KCNH7: variants seen among roughly 807,000 people sequenced by gnomAD.
KCNH7 encodes the protein voltage-gated inwardly rectifying potassium channel KCNH7.
A neutral mutation model predicts 120.8 loss-of-function variants in KCNH7; 49 were observed. That is an observed-to-expected ratio of 0.41 (90% confidence interval 0.32 to 0.51). KCNH7 has a LOEUF of 0.51. KCNH7 is among the 20% of genes least tolerant of loss of function. The pLI is 0.38. For synonymous variants in KCNH7, 547 were observed against 516.1 expected (o/e 1.06, Z -0.81); for missense variants, 1,097 against 1,446.6 (o/e 0.76, Z 3.92).
At chr2:162,666,901 T>C (rs988427705) in intron 2 of KCNH7, among the ~76,000 whole-genome samples, 1 of 152,170 alleles carries the variant, frequency 6.6e-6, no homozygotes, top group Non-Finnish European at 1.5e-5. Flanking sequence ...CACTGCCATG[T>C]CCTCTGACTT....
intron 2 of KCNH7, among the ~76,000 whole-genome samples, chr2:162,801,759 T>A (rs1438853964): frequency 6.6e-6 from 1 of 151,690 alleles, no homozygotes; most frequent in East Asian, 1.9e-4. Context: ...TTAATAATAA[T>A]GAAACCCTAC....
At chr2:162,723,056 A>G (rs915530283) in intron 2 of KCNH7, among the ~76,000 whole-genome samples, 18 of 151,556 alleles carry the variant, frequency 1.2e-4, no homozygotes, top group African/African-American at 4.1e-4. Flanking sequence ...ATCTTTATGG[A>G]AGATATTTTA....
At chr2:162,556,542 A>T (rs191024621) in intron 2 of KCNH7, among the ~76,000 whole-genome samples, 221 of 152,298 alleles carry the variant, frequency 1.5e-3, no homozygotes, top group Non-Finnish European at 1.8e-3. Context: ...GGACAAAAAG[A>T]TTCCCCAAAA....
At chr2:162,561,670 G>A (rs923721803) in intron 2 of KCNH7, among the ~76,000 whole-genome samples, 3 of 151,968 alleles carry the variant, frequency 2.0e-5, no homozygotes, top group East Asian at 1.9e-4. Flanking sequence ...TCATATGTTC[G>A]TTGGTTGCAT....
At chr2:162,400,143 C>A (rs770485337) in intron 10 of KCNH7, 46 bp downstream of exon 10, 16 of 1,594,494 alleles carry the variant, frequency 1.0e-5, no homozygotes, top group South Asian at 5.6e-5. Context: ...CTATGCATTA[C>A]AAGCTAATAA....
At chr2:162,399,420 G>A (rs1232817338) in intron 10 of KCNH7, among the ~76,000 whole-genome samples, 6 of 151,198 alleles carry the variant, frequency 4.0e-5, no homozygotes, top group South Asian at 2.1e-4. Flanking sequence ...TGTGCACAAC[G>A]TGCAGGTTTG....
chr2:162,569,780 G>A (rs1383008060), intron 2 of KCNH7, among the ~76,000 whole-genome samples: 5 of 149,006 alleles, frequency 3.4e-5, no homozygotes, highest in Admixed American at 6.8e-5. Context: ...CCTTCATTTC[G>A]TTATGTACCC....
chr2:162,573,531 T>G (rs543286067), intron 2 of KCNH7, among the ~76,000 whole-genome samples: 1 of 152,188 alleles, frequency 6.6e-6, no homozygotes, highest in African/African-American at 2.4e-5. Flanking sequence ...TACAAAGAGT[T>G]TATTAATTAC....
intron 2 of KCNH7, among the ~76,000 whole-genome samples, chr2:162,607,663 C>T (rs1273439187): frequency 2.0e-5 from 3 of 151,978 alleles, no homozygotes; most frequent in Admixed American, 2.0e-4. Context: ...AACAAGTAAT[C>T]ATTAAAGCTA....
chr2:162,436,267 C>T lies in KCNH7; in HGVS notation c.1555-670G>A, dbSNP rs182506010. ...TATAATGAGAAGGAGCCAGTCAAGC[C>T]CCTTCTTCCCATAACTGTGGGAACA... On this transcript the variant is annotated intron_variant, in intron 7 of 15. Transcript: ENST00000332142. Among the ~76,000 whole-genome samples, 3 of 152,088 alleles carry T rather than the reference C, an allele frequency of 2.0e-5. No homozygotes were observed. The East Asian group carries it at 5.8e-4, about 29-fold the overall frequency.
intron 2 of KCNH7, among the ~76,000 whole-genome samples, chr2:162,715,124 G>A (rs569858341): frequency 2.7e-4 from 41 of 152,274 alleles, no homozygotes; most frequent in African/African-American, 7.9e-4. Flanking sequence ...AGAAATACCT[G>A]AGAATGGGTA....
intron 2 of KCNH7, among the ~76,000 whole-genome samples, chr2:162,602,193 C>A (rs1694580925): frequency 6.6e-6 from 1 of 151,870 alleles, no homozygotes; most frequent in South Asian, 2.1e-4. Context: ...GAGTTGGGGG[C>A]CTAGAAAGAA....
At chr2:162,464,672 C>T (rs1573990113) in intron 6 of KCNH7, among the ~76,000 whole-genome samples, 1 of 152,160 alleles carries the variant, frequency 6.6e-6, no homozygotes, top group South Asian at 2.1e-4. Flanking sequence ...TCTTGTCAGA[C>T]ACATATAAAT....
chr2:162,581,218 C>T (rs1040831972), intron 2 of KCNH7, among the ~76,000 whole-genome samples: 5 of 152,122 alleles, frequency 3.3e-5, no homozygotes, highest in South Asian at 4.1e-4. Context: ...TTTCTTTATT[C>T]GTGACAGACT....
At chr2:162,553,120 A>T (rs12472167) in intron 2 of KCNH7, among the ~76,000 whole-genome samples, 13,310 of 152,230 alleles carry the variant, frequency 0.087, 637 homozygotes, top group East Asian at 0.12. Flanking sequence ...ATTGAATGGT[A>T]AAATTATAGG....
chr2:162,394,877 T>A (rs528726434), intron 11 of KCNH7, among the ~76,000 whole-genome samples: 166 of 151,962 alleles, frequency 1.1e-3, no homozygotes, highest in African/African-American at 3.8e-3. Context: ...CACTTATACA[T>A]GAATTTTCTT....
At chr2:162,745,252 T>C (rs1688275756) in intron 2 of KCNH7, among the ~76,000 whole-genome samples, 1 of 152,226 alleles carries the variant, frequency 6.6e-6, no homozygotes, top group Non-Finnish European at 1.5e-5. Context: ...TAGCCATTTG[T>C]CGATTCAATC....
rs375512512 is a variant in KCNH7, at chr2:162,663,578, A to T, written c.308-126498T>A. Reference sequence around the variant, plus strand: ...ATCATTAACTGTTGCCCCACTGTGAAAATTTTCAAGATAATAAAATGATCA... The same window carrying T: ...ATCATTAACTGTTGCCCCACTGTGATAATTTTCAAGATAATAAAATGATCA... On this transcript the variant is annotated intron_variant, in intron 2 of 15. Coordinates refer to ENST00000332142, the MANE Select transcript of KCNH7 (RefSeq NM_033272.4). 6.6e-5 allele frequency among the ~76,000 whole-genome samples: 10 copies of T among 152,270 alleles called. No homozygotes were observed. In the East Asian group the frequency reaches 1.9e-3, roughly 29 times the overall value.
chr2:162,429,383 C>CTTTTTTTTTTTTTTTTT lies in KCNH7; in HGVS notation c.1954+5798_1954+5814dup, dbSNP rs60854157. The stretch of plus-strand genomic sequence containing the variant: ...AGACATTTAGAAATGAGGAAAAAGT[C>CTTTTTTTTTTTTTTTTT]TTTTTTTTTTTTTTTTTTTTTTACT... On this transcript the variant is annotated intron_variant, in intron 8 of 15. Coordinates refer to ENST00000332142, the MANE Select transcript of KCNH7 (RefSeq NM_033272.4). Among the ~76,000 whole-genome samples the CTTTTTTTTTTTTTTTTT allele has an allele frequency of 2.4e-4, 21 of 86,242 alleles. 2 individuals carry two copies. The highest frequency in any genetic ancestry group is 1.1e-3 in the African/African-American group (18 of 15,976). 56.6% of individuals were successfully genotyped at this position (86,242 alleles called of 152,430 possible).
Sources: allele counts gnomAD v4.1 joint callset (sites outside exome capture counted in the v4.1 genomes callset), GRCh38; gene constraint gnomAD v4.1.1; transcripts MANE v1.5; gene names NCBI Gene and HGNC (gene_info 2026-07-23, HGNC 2026-07-21).